TBCA: variants seen among roughly 807,000 people sequenced by gnomAD.
TBCA encodes the protein tubulin-specific chaperone A.
In TBCA, 6 loss-of-function variants were observed where a neutral mutation model predicts 15.8. The ratio of observed to expected loss-of-function variants is 0.38; its 90% CI spans 0.21 to 0.75. The LOEUF (loss-of-function observed/expected upper bound fraction) is 0.75. Among genes scored for constraint, TBCA ranks in the 30% least tolerant of loss-of-function variants. The pLI, the probability that TBCA is intolerant of heterozygous loss-of-function variation, is 0.46. For missense variants in TBCA, 90 were observed against 131.2 expected (o/e 0.69, Z 1.53); for synonymous variants, 32 against 42.3 (o/e 0.76, Z 0.94).
At chr5:77,718,171 A>C (rs1490498177) in intron 1 of TBCA, among the ~76,000 whole-genome samples, 1 of 152,180 alleles carries the variant, frequency 6.6e-6, no homozygotes, top group African/African-American at 2.4e-5. Context: ...TGTTTTTAAT[A>C]ATCATGGTGG....
intron 1 of TBCA, among the ~76,000 whole-genome samples, chr5:77,774,209 T>C (rs71632944): frequency 0.18 from 27,781 of 152,184 alleles, 2,834 homozygotes; most frequent in African/African-American, 0.27. Context: ...ACAGGACAGA[T>C]AGCGGGATCT....
At chr5:77,722,920 T>A (rs1447387458) in intron 1 of TBCA, among the ~76,000 whole-genome samples, 2 of 151,788 alleles carry the variant, frequency 1.3e-5, no homozygotes, top group Admixed American at 1.3e-4. Context: ...CTAGCATATA[T>A]CTCTCTATGA....
At chr5:77,770,672 C>A (rs903726191) in intron 1 of TBCA, among the ~76,000 whole-genome samples, 3 of 151,822 alleles carry the variant, frequency 2.0e-5, no homozygotes, top group Non-Finnish European at 4.4e-5. Flanking sequence ...TTAGTTGTGA[C>A]CCTGTCACAG....
At chr5:77,707,330 T>C (rs1026636528) in intron 2 of TBCA, among the ~76,000 whole-genome samples, 4 of 152,132 alleles carry the variant, frequency 2.6e-5, no homozygotes, top group African/African-American at 4.8e-5. Context: ...ATGTTCAATA[T>C]ATGCTATCAT....
intron 1 of TBCA, among the ~76,000 whole-genome samples, chr5:77,725,723 G>A (rs777289085): frequency 6.6e-6 from 1 of 152,134 alleles, no homozygotes; most frequent in Non-Finnish European, 1.5e-5. Context: ...CATATTTTAT[G>A]TCAATTACCA....
chr5:77,769,374 A>T (rs1313475895), intron 1 of TBCA, among the ~76,000 whole-genome samples: 3 of 152,238 alleles, frequency 2.0e-5, no homozygotes, highest in Non-Finnish European at 4.4e-5. Flanking sequence ...TTCTTAACCT[A>T]TCCCAGATAC....
intron 1 of TBCA, among the ~76,000 whole-genome samples, chr5:77,721,570 G>GA (rs1476132845): frequency 6.6e-6 from 1 of 152,094 alleles, no homozygotes; most frequent in Non-Finnish European, 1.5e-5. Context: ...TTTGGTATAT[G>GA]TTAAAGGGTC....
chr5:77,745,142 C>A (rs758236772), intron 1 of TBCA, among the ~76,000 whole-genome samples: 1 of 152,084 alleles, frequency 6.6e-6, no homozygotes, highest in Admixed American at 6.5e-5. Context: ...TGTTCCCATG[C>A]CTTTTTATGT....
intron 2 of TBCA, among the ~76,000 whole-genome samples, chr5:77,699,188 C>T (rs1329906270): frequency 6.6e-6 from 1 of 151,826 alleles, no homozygotes; most frequent in East Asian, 1.9e-4. Flanking sequence ...CATCAATTTG[C>T]CCCAAACTGA....
At chr5:77,722,169 A>G (rs1477770244) in intron 1 of TBCA, among the ~76,000 whole-genome samples, 1 of 152,028 alleles carries the variant, frequency 6.6e-6, no homozygotes, top group Non-Finnish European at 1.5e-5. Context: ...ATTATACATA[A>G]ACATACATCT....
intron 1 of TBCA, among the ~76,000 whole-genome samples, chr5:77,761,157 C>T (rs552521421): frequency 7.2e-5 from 11 of 152,044 alleles, no homozygotes; most frequent in South Asian, 2.1e-4. Context: ...CCATCGAGAA[C>T]GGGCCATGAT....
Position 77,776,218 on chromosome 5 carries a change from C to G in TBCA, c.40G>C (p.Gly14Arg). 3 of 1,573,122 alleles carry G rather than the reference C, an allele frequency of 1.9e-6. No homozygotes were observed. The highest frequency in any genetic ancestry group is 2.6e-6 in the Non-Finnish European group (3 of 1,160,346). Reference sequence around the variant, plus strand: ...CCGGCTCCTTACCGCTTCACCACGCCGGTCTTGATCTTGATCTGTCTCACG... The same window carrying G: ...CCGGCTCCTTACCGCTTCACCACGCGGGTCTTGATCTTGATCTGTCTCACG... ...PRVRQIKIKT[G>R]VVKRLVKEKV... is the part of the protein sequence containing the mutation. The change falls in exon 1 of 4, where the codon GGC becomes CGC. Residue 14 changes from glycine to arginine, a missense_variant. By Grantham distance (125) the Gly-to-Arg change is moderately radical. Coordinates refer to ENST00000380377, the MANE Select transcript of TBCA (RefSeq NM_004607.3).
chr5:77,714,815 C>T (rs1402736954), intron 1 of TBCA, among the ~76,000 whole-genome samples: 1 of 152,056 alleles, frequency 6.6e-6, no homozygotes, highest in African/African-American at 2.4e-5. Flanking sequence ...ATCCGCCCAC[C>T]TCGACCTCCC....
In TBCA at chr5:77,697,163, C is replaced by A. The variant is rs891704582; in HGVS notation, c.160-3811G>T. Among the ~76,000 whole-genome samples the A allele has an allele frequency of 2.6e-5, 4 of 152,242 alleles. No individual in the cohort carries two copies. The East Asian group carries it at 5.8e-4, about 22-fold the overall frequency. On this transcript the variant is annotated intron_variant, in intron 2 of 3. Transcript: ENST00000380377. Reference sequence around the variant, plus strand: ...TATACATAAGCTGGGGATTTCAATACCCCACTCTCAGCAACTGATAGAAAT... The same window carrying A: ...TATACATAAGCTGGGGATTTCAATAACCCACTCTCAGCAACTGATAGAAAT...
intron 1 of TBCA, among the ~76,000 whole-genome samples, chr5:77,765,737 A>G (rs1037464410): frequency 6.6e-6 from 1 of 152,176 alleles, no homozygotes; most frequent in Admixed American, 6.5e-5. Context: ...AGCTGAGAAG[A>G]GATATACTTC....
At chr5:77,758,776 T>C (rs1215417612) in intron 1 of TBCA, among the ~76,000 whole-genome samples, 4 of 152,248 alleles carry the variant, frequency 2.6e-5, no homozygotes, top group Admixed American at 1.3e-4. Context: ...CTTCTTCCAG[T>C]GGAATGCCCC....
intron 1 of TBCA, among the ~76,000 whole-genome samples, chr5:77,722,107 T>A (rs1331727083): frequency 6.6e-6 from 1 of 152,092 alleles, no homozygotes; most frequent in Non-Finnish European, 1.5e-5. Context: ...CTATTTCTGA[T>A]GAATTACTTG....
At chr5:77,706,665 G>A (rs775309146) in intron 2 of TBCA, among the ~76,000 whole-genome samples, 1 of 151,828 alleles carries the variant, frequency 6.6e-6, no homozygotes, top group Non-Finnish European at 1.5e-5. Context: ...TACAAAATTA[G>A]CTGCGCGTGG....
intron 1 of TBCA, among the ~76,000 whole-genome samples, chr5:77,764,759 C>A (rs1471182445): frequency 2.1e-5 from 3 of 145,562 alleles, no homozygotes; most frequent in Non-Finnish European, 3.0e-5. Flanking sequence ...TTCTTATCTT[C>A]TGTTAGAATT....
Sources: gnomAD v4.1 joint callset for allele counts (sites outside exome capture counted in the v4.1 genomes callset) on GRCh38, gnomAD v4.1.1 for gene constraint, MANE v1.5 for transcripts, NCBI Gene and HGNC (gene_info 2026-07-23, HGNC 2026-07-21) for gene names.